SAMD7: variants seen among roughly 807,000 people sequenced by gnomAD.
SAMD7 encodes sterile alpha motif domain containing 7.
A neutral mutation model predicts 36.7 loss-of-function variants in SAMD7; 34 were observed. The ratio of observed to expected loss-of-function variants is 0.93; its 90% CI spans 0.71 to 1.23. SAMD7 has a LOEUF of 1.23. Among genes scored for constraint, SAMD7 ranks in the 50% most tolerant of loss-of-function variants. The probability of loss-of-function intolerance (pLI) is 0.00; values close to 1 mark genes in which losing one functional copy is unlikely to be tolerated. For synonymous variants in SAMD7, 188 were observed against 189.7 expected, an observed-to-expected ratio of 0.99 and a Z score of 0.07; for missense variants, 570 against 546.6, an observed-to-expected ratio of 1.04 and a Z score of -0.43.
chr3:169,915,333 C>G (rs901245935), intron 1 of SAMD7, 34 bp from the exon 2 acceptor site: 3 of 152,172 alleles, frequency 2.0e-5, no homozygotes, highest in African/African-American at 7.2e-5. Context: ...GATTACCTCC[C>G]AAATAAACTA....
chr3:169,931,236 C>A (rs548373134), intron 7 of SAMD7, among the ~76,000 whole-genome samples: 1 of 152,182 alleles, frequency 6.6e-6, no homozygotes, highest in Admixed American at 6.5e-5. Flanking sequence ...ACTGAAATTA[C>A]TGAAAATATG....
chr3:169,917,875 T>TC (rs1712875538), intron 2 of SAMD7, among the ~76,000 whole-genome samples: 1 of 152,086 alleles, frequency 6.6e-6, no homozygotes, highest in South Asian at 2.1e-4. Context: ...TCTCCTGACC[T>TC]CATGATCCGC....
intron 4 of SAMD7, among the ~76,000 whole-genome samples, chr3:169,922,936 G>A (rs375566175): frequency 3.3e-5 from 5 of 152,242 alleles, no homozygotes; most frequent in African/African-American, 7.2e-5. Context: ...TAGATTTAGC[G>A]CCATGTGGCG....
rs1713363693 is a variant in SAMD7, at chr3:169,928,508, T to C, written c.971T>C (p.Ile324Thr). 2 of 1,613,688 alleles carry C rather than the reference T, an allele frequency of 1.2e-6. No individual in the cohort carries two copies. Among genetic ancestry groups the C allele is most frequent in the Non-Finnish European group, 8.5e-7 (1 of 1,179,664 alleles). ...GGGAATCTTTCTTTGGATGAAGATA[T>C]TCAGAAGTGGACCGTGGATGATGTG... ...IGGNLSLDED[I>T]QKWTVDDVHS... Residue 324 changes from isoleucine (I) to threonine (T), a missense_variant, in exon 7 of 9, where the codon ATT becomes ACT. Transcript: ENST00000335556.
chr3:169,932,257 C>T (rs773127445), intron 7 of SAMD7: 10 of 848,040 alleles, frequency 1.2e-5, no homozygotes, highest in Non-Finnish European at 1.8e-5. Context: ...GACACCAGAG[C>T]TGGGGGCAAT....
intron 7 of SAMD7, among the ~76,000 whole-genome samples, chr3:169,935,570 G>C (rs572806636): frequency 5.3e-5 from 8 of 152,192 alleles, no homozygotes; most frequent in East Asian, 1.9e-4. Context: ...ATGAGGGAAG[G>C]CTCTGCCTAC....
At chr3:169,931,570 T>C (rs1457604215) in intron 7 of SAMD7, among the ~76,000 whole-genome samples, 2 of 152,296 alleles carry the variant, frequency 1.3e-5, no homozygotes, top group Middle Eastern at 3.4e-3. Flanking sequence ...TCCTCCAGCC[T>C]TAGCCTCCCA....
chr3:169,930,986 G>T (rs777532148), intron 7 of SAMD7, among the ~76,000 whole-genome samples: 1 of 152,036 alleles, frequency 6.6e-6, no homozygotes, highest in Non-Finnish European at 1.5e-5. Context: ...TGCCTTAGGT[G>T]CCTACTCAGC....
Position 169,932,992 on chromosome 3 carries a change from A to T in SAMD7, c.1042-3347A>T, listed in dbSNP as rs537635415. ...AAAGAAGCATTCTTTCCCCCCCTCT[A>T]TCAGTGTGGCATCACTCAGGTGTCT... is the stretch of plus-strand genomic sequence containing the variant. On this transcript the variant is annotated intron_variant, in intron 7 of 8. Transcript: ENST00000335556. 3.4e-5 allele frequency: 25 copies of T among 725,178 alleles called. No individual in the cohort carries two copies. The East Asian group carries it at 4.0e-4, about 12-fold the overall frequency. 44.9% of individuals were successfully genotyped at this position (725,178 alleles called of 1,614,324 possible).
chr3:169,924,049 T>C (rs542133064), intron 4 of SAMD7, among the ~76,000 whole-genome samples: 1 of 152,294 alleles, frequency 6.6e-6, no homozygotes, highest in African/African-American at 2.4e-5. Context: ...CCGTGGGCAG[T>C]ATGCCATGAA....
intron 3 of SAMD7, 63 bp from the exon 4 acceptor site, chr3:169,921,151 C>T: frequency 6.9e-7 from 1 of 1,459,546 alleles, no homozygotes; most frequent in Non-Finnish European, 9.6e-7. Flanking sequence ...ATTGTCTCAG[C>T]CATGGAAATT....
chr3:169,923,897 A>T (rs759145528), intron 4 of SAMD7, among the ~76,000 whole-genome samples: 1 of 152,214 alleles, frequency 6.6e-6, no homozygotes, highest in African/African-American at 2.4e-5. Context: ...AACTGAACTA[A>T]CATTAAGTTT....
chr3:169,937,433 A>C (rs1252020258), intron 8 of SAMD7, among the ~76,000 whole-genome samples: 1 of 151,896 alleles, frequency 6.6e-6, no homozygotes, highest in African/African-American at 2.4e-5. Flanking sequence ...GACAGGCCTC[A>C]GTGTGTGTTG....
chr3:169,928,681 C>T, intron 7 of SAMD7, 103 bp downstream of exon 7: 1 of 1,200,182 alleles, frequency 8.3e-7, no homozygotes. Context: ...AGAAAGGATT[C>T]CTACTAATCT....
intron 2 of SAMD7, among the ~76,000 whole-genome samples, chr3:169,919,157 C>T (rs1712938096): frequency 1.3e-5 from 2 of 152,024 alleles, no homozygotes; most frequent in South Asian, 4.2e-4. Context: ...AAATCAACAA[C>T]AACAACAAAA....
chr3:169,930,915 G>T (rs1713463899), intron 7 of SAMD7, among the ~76,000 whole-genome samples: 2 of 151,994 alleles, frequency 1.3e-5, no homozygotes, highest in Non-Finnish European at 2.9e-5. Context: ...TTGGACCAAG[G>T]TGCTGAGATT....
At position 169,925,213 on chromosome 3, in the gene SAMD7, A is replaced by T. The variant is rs1713208238; in HGVS notation, c.290+77A>T. ...TATTCACTTGTTATCTTCATATAAC[A>T]AATGAATAGATGAATATATATAACA... On this transcript the variant is annotated intron_variant, in intron 5 of 8. Coordinates refer to ENST00000335556, the MANE Select transcript of SAMD7 (RefSeq NM_001304366.2). The T allele has an allele frequency of 8.0e-6, 7 of 873,358 alleles. No homozygotes were observed. In the Admixed American group the frequency reaches 1.6e-4, roughly 20 times the overall value. The allele number at this position is 873,358 out of a possible 1,614,324, so 54.1% of individuals were successfully genotyped here.
chr3:169,921,607 G>T (rs140466627), intron 4 of SAMD7, among the ~76,000 whole-genome samples: 3 of 152,312 alleles, frequency 2.0e-5, no homozygotes, highest in African/African-American at 7.2e-5. Flanking sequence ...TACACATGAG[G>T]AACTGATAAA....
At chr3:169,914,898 A>G (rs916949546) in intron 1 of SAMD7, among the ~76,000 whole-genome samples, 2 of 152,250 alleles carry the variant, frequency 1.3e-5, no homozygotes, top group African/African-American at 2.4e-5. Context: ...GAATGACATT[A>G]GAAGTCTGCC....
Sources: gnomAD v4.1 joint callset for allele counts (sites outside exome capture counted in the v4.1 genomes callset) on GRCh38, gnomAD v4.1.1 for gene constraint, MANE v1.5 for transcripts, NCBI Gene and HGNC (gene_info 2026-07-23, HGNC 2026-07-21) for gene names.